The following EFR3B variants were observed in gnomAD, a reference collection of about 807,000 sequenced individuals.
The protein encoded by EFR3B is protein EFR3 homolog B.
A neutral mutation model predicts 104.7 loss-of-function variants in EFR3B; 64 were observed. The ratio of observed to expected loss-of-function variants is 0.61; its 90% CI spans 0.50 to 0.75. The LOEUF (loss-of-function observed/expected upper bound fraction) is 0.75, where lower values mean the gene tolerates loss of function less well. Ranked by LOEUF, EFR3B falls within the 30% of genes least tolerant of loss-of-function variation. The pLI is 0.00. For missense variants in EFR3B, 750 were observed against 1,078.5 expected (o/e 0.70, Z 4.27); for synonymous variants, 385 against 417.9 (o/e 0.92, Z 0.96).
At chr2:25,088,621 C>T (rs1028525904) in intron 1 of EFR3B, among the ~76,000 whole-genome samples, 14 of 152,094 alleles carry the variant, frequency 9.2e-5, no homozygotes, top group African/African-American at 3.4e-4. Context: ...CCTGGCCCTG[C>T]TATAAGTGCT....
chr2:25,059,485 A>C (rs1167169909), intron 1 of EFR3B, among the ~76,000 whole-genome samples: 1 of 150,686 alleles, frequency 6.6e-6, no homozygotes, highest in East Asian at 2.0e-4. Context: ...ACACAAGGAC[A>C]AGTAGTATAT....
intron 1 of EFR3B, among the ~76,000 whole-genome samples, chr2:25,047,825 A>G (rs1667763297): frequency 6.6e-6 from 1 of 152,024 alleles, no homozygotes; most frequent in African/African-American, 2.4e-5. Flanking sequence ...AAAGGCAAAA[A>G]TAAAACAAAT....
intron 1 of EFR3B, among the ~76,000 whole-genome samples, chr2:25,050,035 T>G: frequency 6.9e-6 from 1 of 144,642 alleles, no homozygotes. Context: ...GAGGCTGAGG[T>G]AGGAGAATCA....
chr2:25,072,351 G>T (rs1383769275), intron 1 of EFR3B, among the ~76,000 whole-genome samples: 1 of 152,084 alleles, frequency 6.6e-6, no homozygotes, highest in Non-Finnish European at 1.5e-5. Flanking sequence ...TGTGATCTCG[G>T]CTCACTGCAA....
Position 25,093,024 on chromosome 2 carries a change from A to T in EFR3B, c.106A>T (p.Met36Leu). Residue 36 changes from methionine (M) to leucine (L), a missense_variant, in exon 3 of 23, where the codon ATG becomes TTG. By Grantham distance (15) the Met-to-Leu change is conservative. Coordinates refer to ENST00000403714, the MANE Select transcript of EFR3B (RefSeq NM_014971.2). ...ACAGGATGGTCTGGTGAAGACCAAC[A>T]TGGAGAAGCTGACCTTCTATGCCCT... The part of the protein sequence containing the change: ...DPEDGLVKTN[M>L]EKLTFYALSA... 6.5e-7 allele frequency: 1 copy of T among 1,548,062 alleles called. No individual in the cohort carries two copies. The highest frequency in any genetic ancestry group is 8.7e-7 in the Non-Finnish European group (1 of 1,146,962).
chr2:25,122,642 G>A (rs1670047373), intron 5 of EFR3B, among the ~76,000 whole-genome samples: 1 of 152,096 alleles, frequency 6.6e-6, no homozygotes, highest in Non-Finnish European at 1.5e-5. Context: ...CCAGGGATCT[G>A]CATGGCTCAC....
intron 17 of EFR3B, 117 bp downstream of exon 17, chr2:25,141,550 G>A (rs1038493435): frequency 1.3e-5 from 14 of 1,059,412 alleles, no homozygotes; most frequent in Admixed American, 1.1e-4. Context: ...TGGACTCAAG[G>A]GCAGAAGGTG....
chr2:25,056,318 T>C (rs1414700020), intron 1 of EFR3B, among the ~76,000 whole-genome samples: 1 of 152,222 alleles, frequency 6.6e-6, no homozygotes, highest in Admixed American at 6.5e-5. Flanking sequence ...TCTCGTGTAT[T>C]TCCTCCTTGG....
intron 3 of EFR3B, 42 bp downstream of exon 3, chr2:25,093,172 A>G (rs751388167): frequency 3.2e-6 from 5 of 1,546,402 alleles, no homozygotes; most frequent in East Asian, 2.4e-5. Context: ...GTCAGGAACT[A>G]TATTGTTAGG....
chr2:25,138,317 G>A (rs1160118592), intron 15 of EFR3B, among the ~76,000 whole-genome samples: 3 of 152,244 alleles, frequency 2.0e-5, no homozygotes, highest in African/African-American at 2.4e-5. Flanking sequence ...TGTCTACCAA[G>A]CCTCCTTTGC....
At chr2:25,060,292 T>C (rs1381333388) in intron 1 of EFR3B, among the ~76,000 whole-genome samples, 1 of 152,224 alleles carries the variant, frequency 6.6e-6, no homozygotes, top group Non-Finnish European at 1.5e-5. Flanking sequence ...TCAGAGTTGA[T>C]CATACCCTCT....
rs973710173 is a variant in EFR3B, at chr2:25,137,949, A to G, written c.1722+447A>G. Among the ~76,000 whole-genome samples, 9 of 152,126 alleles carry G rather than the reference A, an allele frequency of 5.9e-5. No homozygotes were observed. The highest frequency in any genetic ancestry group is 2.2e-4 in the African/African-American group (9 of 41,432). ...CACTTTGGGAGGCCGAGGTGGGTGG[A>G]CCACTTGAGGTCAGGAGTTCAAGAC... On this transcript the variant is annotated intron_variant, in intron 15 of 22. Transcript: ENST00000403714. The surrounding 1 kb of genome is among the most constrained non-coding windows in gnomAD (Gnocchi z 4.7).
chr2:25,133,279 C>CT, intron 11 of EFR3B, 104 bp from the exon 12 acceptor site: 1 of 1,279,204 alleles, frequency 7.8e-7, no homozygotes, highest in Non-Finnish European at 1.1e-6. Context: ...TAACCCAACA[C>CT]GATAAGCCTC....
At chr2:25,126,755 A>G (rs117402838) in intron 5 of EFR3B, among the ~76,000 whole-genome samples, 1 of 151,804 alleles carries the variant, frequency 6.6e-6, no homozygotes, top group Non-Finnish European at 1.5e-5. Context: ...CTTGCCTCCC[A>G]AAGTGCTGGG....
chr2:25,108,770 G>A (rs1259292640), intron 4 of EFR3B, among the ~76,000 whole-genome samples: 1 of 152,108 alleles, frequency 6.6e-6, no homozygotes, highest in Non-Finnish European at 1.5e-5. Context: ...AGGCCGAGGT[G>A]GGTGGATCGC....
chr2:25,117,715 C>T (rs929554282), intron 4 of EFR3B, among the ~76,000 whole-genome samples: 13 of 151,936 alleles, frequency 8.6e-5, no homozygotes, highest in African/African-American at 3.1e-4. Flanking sequence ...CCCGGCTCCT[C>T]TTAATAAAAT....
intron 1 of EFR3B, among the ~76,000 whole-genome samples, chr2:25,050,494 T>C (rs924693826): frequency 2.6e-5 from 4 of 152,270 alleles, no homozygotes; most frequent in South Asian, 2.1e-4. Flanking sequence ...AAAATTTTTT[T>C]CCATGGTACA....
In EFR3B at chr2:25,133,237, G is replaced by A. The variant is rs149451046; in HGVS notation, c.1260-146G>A. 2.5e-4 allele frequency: 239 copies of A among 961,744 alleles called. No individual in the cohort carries two copies. In the African/African-American group the frequency reaches 2.6e-3, roughly 10 times the overall value. 59.6% of individuals were successfully genotyped at this position (961,744 alleles called of 1,614,324 possible). ...GGGGGGAGCCAGTCATCTCTTGGTC[G>A]GCTTCCTGGGTCCGGAAGTCACTGT... is the stretch of plus-strand genomic sequence containing the variant. On this transcript the variant is annotated intron_variant, in intron 11 of 22. Transcript: ENST00000403714.
chr2:25,134,894 A>T (rs1355885877), intron 12 of EFR3B, among the ~76,000 whole-genome samples: 2 of 152,220 alleles, frequency 1.3e-5, no homozygotes, highest in Non-Finnish European at 2.9e-5. Context: ...GCTTTGCTGC[A>T]TTTGAATGCT....
Sources: gnomAD v4.1 joint callset for allele counts (sites outside exome capture counted in the v4.1 genomes callset) on GRCh38, gnomAD v4.1.1 for gene constraint, Gnocchi (gnomAD v3.1) non-coding constraint, MANE v1.5 for transcripts, NCBI Gene and HGNC (gene_info 2026-07-23, HGNC 2026-07-21) for gene names.